ADGRL2: variants seen among roughly 807,000 people sequenced by gnomAD.
ADGRL2 encodes adhesion G protein-coupled receptor L2.
Under a neutral mutation model 157.4 loss-of-function variants are expected in ADGRL2, and 44 were observed. The observed-to-expected ratio is 0.28, with a 90% CI of 0.22 to 0.36. ADGRL2 has a LOEUF of 0.36. ADGRL2 is among the 10% of genes least tolerant of loss of function. The probability of loss-of-function intolerance (pLI) is 1.00; values close to 1 mark genes in which losing one functional copy is unlikely to be tolerated. For missense variants in ADGRL2, 1,510 were observed against 1,768.9 expected (o/e 0.85, Z 2.63); for synonymous variants, 585 against 624.7 (o/e 0.94, Z 0.95).
At chr1:81,927,715 A>G (rs1185738043) in intron 3 of ADGRL2, among the ~76,000 whole-genome samples, 6 of 152,038 alleles carry the variant, frequency 3.9e-5, no homozygotes, top group Admixed American at 6.6e-5. Context: ...AATAATGAGC[A>G]ATAGCTATGT....
At chr1:81,753,664 C>T (rs963919028) in intron 1 of ADGRL2, among the ~76,000 whole-genome samples, 11 of 151,978 alleles carry the variant, frequency 7.2e-5, no homozygotes, top group Non-Finnish European at 1.0e-4. Context: ...ATTAGAATAT[C>T]CAGTTTGTCA....
chr1:81,767,147 A>G (rs1168103605), intron 2 of ADGRL2, among the ~76,000 whole-genome samples: 2 of 152,146 alleles, frequency 1.3e-5, no homozygotes, highest in Non-Finnish European at 2.9e-5. Flanking sequence ...TAAGATCTTG[A>G]GTTTCAACAC....
chr1:81,326,353 G>T (rs139530077), intron 1 of ADGRL2, among the ~76,000 whole-genome samples: 1 of 152,176 alleles, frequency 6.6e-6, no homozygotes, highest in Non-Finnish European at 1.5e-5. Context: ...TAATAAGACC[G>T]TCTGTTAAGA....
At chr1:81,452,356 A>G (rs184393047) in intron 2 of ADGRL2, among the ~76,000 whole-genome samples, 35 of 152,266 alleles carry the variant, frequency 2.3e-4, no homozygotes, top group African/African-American at 8.4e-4. Context: ...TTTCCCCACA[A>G]AAGCAATTAA....
chr1:81,574,563 G>A (rs2080759463), intron 2 of ADGRL2, among the ~76,000 whole-genome samples: 1 of 152,096 alleles, frequency 6.6e-6, no homozygotes, highest in African/African-American at 2.4e-5. Context: ...GTTCCCAAGT[G>A]GTCTTTAAGG....
intron 1 of ADGRL2, among the ~76,000 whole-genome samples, chr1:81,378,169 C>G (rs2076282533): frequency 8.1e-6 from 1 of 123,972 alleles, no homozygotes. Flanking sequence ...TAGAGAGAGA[C>G]TCTGTCTCAA....
At chr1:81,421,677 C>T (rs2077127250) in intron 1 of ADGRL2, among the ~76,000 whole-genome samples, 1 of 150,924 alleles carries the variant, frequency 6.6e-6, no homozygotes, top group African/African-American at 2.4e-5. Context: ...AAGGTAACCA[C>T]ACAACATCTC....
At chr1:81,973,018 C>CT (rs949376194) in intron 17 of ADGRL2, among the ~76,000 whole-genome samples, 5 of 151,194 alleles carry the variant, frequency 3.3e-5, no homozygotes, top group East Asian at 3.9e-4. Context: ...GTTTTTCTTA[C>CT]TTTTTTTTCA....
chr1:81,527,857 G>A (rs868345244), intron 2 of ADGRL2, among the ~76,000 whole-genome samples: 8 of 152,102 alleles, frequency 5.3e-5, no homozygotes, highest in Non-Finnish European at 1.2e-4. Flanking sequence ...CACGAGGTCA[G>A]GAGATCGAGA....
chr1:81,330,496 G>C (rs1661199170), intron 1 of ADGRL2, among the ~76,000 whole-genome samples: 1 of 152,156 alleles, frequency 6.6e-6, no homozygotes, highest in Non-Finnish European at 1.5e-5. Flanking sequence ...AATATCTAAT[G>C]TATCTTACTT....
intron 1 of ADGRL2, among the ~76,000 whole-genome samples, chr1:81,759,272 G>GA (rs1444887336): frequency 1.3e-5 from 2 of 151,992 alleles, no homozygotes; most frequent in South Asian, 2.1e-4. Flanking sequence ...AGTGGTGATT[G>GA]AAAAAACATG....
At chr1:81,976,432 A>G (rs1240617207) in intron 17 of ADGRL2, among the ~76,000 whole-genome samples, 1 of 151,960 alleles carries the variant, frequency 6.6e-6, no homozygotes, top group African/African-American at 2.4e-5. Flanking sequence ...TTAGTGCATT[A>G]GCTAAAAGTT....
At chr1:81,798,384 A>C (rs907445646), upstream of ADGRL2, among the ~76,000 whole-genome samples, 3 of 152,090 alleles carry the variant, frequency 2.0e-5, no homozygotes, top group Non-Finnish European at 4.4e-5. Flanking sequence ...TATTACCTCT[A>C]AAGAATAAAG....
At chr1:81,516,308 C>G (rs764551218) in intron 2 of ADGRL2, among the ~76,000 whole-genome samples, 1 of 152,112 alleles carries the variant, frequency 6.6e-6, no homozygotes, top group African/African-American at 2.4e-5. Context: ...AGGGCAATTG[C>G]GAGAGGTCCA....
chr1:81,973,415 C>T (rs1447494612), intron 17 of ADGRL2, among the ~76,000 whole-genome samples: 2 of 152,090 alleles, frequency 1.3e-5, no homozygotes, highest in African/African-American at 2.4e-5. Flanking sequence ...TCCTCTAAGA[C>T]CTTCGTCAAA....
chr1:81,347,791 T>A (rs1662587151), intron 1 of ADGRL2, among the ~76,000 whole-genome samples: 2 of 152,172 alleles, frequency 1.3e-5, no homozygotes, highest in Non-Finnish European at 2.9e-5. Flanking sequence ...ATCAGGCATC[T>A]CTGCAAAAGC....
chr1:81,343,503 G>A (rs78919174), intron 1 of ADGRL2, among the ~76,000 whole-genome samples: 3,383 of 152,270 alleles, frequency 0.022, 122 homozygotes, highest in African/African-American at 0.076. Context: ...ATTTCCTTGT[G>A]TCTGAGCTTA....
chr1:81,503,287 G>A lies in ADGRL2; in HGVS notation c.-248+58198G>A, dbSNP rs764127628. 1.9e-5 allele frequency: 31 copies of A among 1,614,052 alleles called. No individual in the cohort carries two copies. The East Asian group carries it at 2.2e-4, about 12-fold the overall frequency. ...GAGCGTTAACATGTCTGTGGACATC[G>A]ATGGCACCACCTACGCAGGTGTGCT... On this transcript the variant is annotated intron_variant, in intron 2 of 24. Transcript: ENST00000370721.
At chr1:81,651,450 T>C (rs571499117) in intron 3 of ADGRL2, among the ~76,000 whole-genome samples, 28 of 152,200 alleles carry the variant, frequency 1.8e-4, no homozygotes, top group Non-Finnish European at 3.2e-4. Flanking sequence ...CAATGGCACT[T>C]GCTTATAATG....
Sources: gnomAD v4.1 joint callset for allele counts (sites outside exome capture counted in the v4.1 genomes callset) on GRCh38, gnomAD v4.1.1 for gene constraint, MANE v1.5 for transcripts, NCBI Gene and HGNC (gene_info 2026-07-23, HGNC 2026-07-21) for gene names.